The following AGBL1 variants were observed in gnomAD, a reference collection of about 807,000 sequenced individuals.
AGBL1 encodes AGBL carboxypeptidase 1.
AGBL1 carries 130 observed loss-of-function variants against 118.9 expected under a neutral mutation model. The observed-to-expected ratio is 1.09, with a 90% CI of 0.95 to 1.26. AGBL1 has a LOEUF of 1.26. Among genes scored for constraint, AGBL1 ranks in the 50% most tolerant of loss-of-function variants. The pLI is 0.00. For missense variants in AGBL1, 1,584 were observed against 1,298.1 expected (o/e 1.22, Z -3.38); for synonymous variants, 555 against 478.9 (o/e 1.16, Z -2.08).
chr15:86,241,443 A>T (rs958811847), intron 6 of AGBL1, among the ~76,000 whole-genome samples: 2 of 152,196 alleles, frequency 1.3e-5, no homozygotes, highest in African/African-American at 4.8e-5. Flanking sequence ...TTCAGTTCAG[A>T]ACGCTAAGTG....
chr15:86,813,298 A>C (rs1200908450), intron 22 of AGBL1, among the ~76,000 whole-genome samples: 6 of 152,128 alleles, frequency 3.9e-5, no homozygotes, highest in South Asian at 2.1e-4. Context: ...TGCTATTCCC[A>C]GTACACAGCA....
chr15:86,261,382 G>T (rs2078981090), intron 9 of AGBL1, among the ~76,000 whole-genome samples: 1 of 152,112 alleles, frequency 6.6e-6, no homozygotes, highest in Admixed American at 6.6e-5. Context: ...CCATGGAGTT[G>T]GTCATGGTGT....
chr15:86,893,636 G>T (rs2080083046), intron 22 of AGBL1, among the ~76,000 whole-genome samples: 1 of 152,150 alleles, frequency 6.6e-6, no homozygotes, highest in Non-Finnish European at 1.5e-5. Context: ...CTTCTTAATG[G>T]CTTTGCTTAG....
intron 22 of AGBL1, among the ~76,000 whole-genome samples, chr15:86,677,098 T>A (rs1258877481): frequency 6.6e-6 from 1 of 151,990 alleles, no homozygotes; most frequent in Non-Finnish European, 1.5e-5. Flanking sequence ...TCCTTGGGAG[T>A]GATCAGCCAG....
At chr15:86,584,344 T>A (rs200626998) in intron 21 of AGBL1, among the ~76,000 whole-genome samples, 2 of 152,156 alleles carry the variant, frequency 1.3e-5, no homozygotes, top group East Asian at 3.8e-4. Context: ...TTTTAATCCG[T>A]CTTGAGTTAA....
chr15:86,953,354 G>T (rs2080898323), intron 23 of AGBL1, among the ~76,000 whole-genome samples: 1 of 147,912 alleles, frequency 6.8e-6, no homozygotes, highest in Admixed American at 6.7e-5. Context: ...GCAGTGTTTT[G>T]TAGTTCTTGT....
chr15:86,778,986 G>A (rs987338232), intron 22 of AGBL1, among the ~76,000 whole-genome samples: 1 of 152,176 alleles, frequency 6.6e-6, no homozygotes, highest in Non-Finnish European at 1.5e-5. Context: ...CACAATTTAT[G>A]TTCTTCTGCC....
chr15:86,631,988 G>C (rs1394836120), intron 21 of AGBL1, among the ~76,000 whole-genome samples: 3 of 151,656 alleles, frequency 2.0e-5, no homozygotes, highest in Admixed American at 6.6e-5. Context: ...CCAAGAGTTT[G>C]AGAGCAGTCT....
intron 18 of AGBL1, among the ~76,000 whole-genome samples, chr15:86,484,738 T>C (rs1022899224): frequency 1.3e-5 from 2 of 152,108 alleles, no homozygotes; most frequent in Admixed American, 1.3e-4. Flanking sequence ...AAGCATCTCT[T>C]TCCTCTATTG....
intron 18 of AGBL1, among the ~76,000 whole-genome samples, chr15:86,506,730 A>G (rs1300270796): frequency 6.6e-6 from 1 of 152,082 alleles, no homozygotes; most frequent in Non-Finnish European, 1.5e-5. Context: ...TGGTTACCCA[A>G]TCTGGAGCCT....
intron 22 of AGBL1, among the ~76,000 whole-genome samples, chr15:86,854,490 G>T (rs560504943): frequency 2.0e-5 from 3 of 152,268 alleles, no homozygotes; most frequent in South Asian, 2.1e-4. Flanking sequence ...GGCTGCAGGG[G>T]AGTCAAGCCA....
At chr15:86,278,131 C>T (rs931320917) in intron 15 of AGBL1, among the ~76,000 whole-genome samples, 1 of 152,192 alleles carries the variant, frequency 6.6e-6, no homozygotes, top group South Asian at 2.1e-4. Context: ...TTTGGAGAAG[C>T]TTCAGAACTT....
intron 5 of AGBL1, among the ~76,000 whole-genome samples, chr15:86,203,111 AATGATGATGATG>A (rs570110878): frequency 1.3e-5 from 2 of 151,664 alleles, no homozygotes; most frequent in Non-Finnish European, 2.9e-5. Context: ...TGATAGTGAT[AATGATGATGATG>A]ATGATGATGA....
chr15:86,448,381 C>T (rs1213190056), intron 18 of AGBL1, among the ~76,000 whole-genome samples: 2 of 152,148 alleles, frequency 1.3e-5, no homozygotes, highest in Non-Finnish European at 2.9e-5. Context: ...GTCAGACAGG[C>T]ATCCCTACTC....
chr15:86,886,778 C>T (rs900275867), intron 22 of AGBL1, among the ~76,000 whole-genome samples: 16 of 152,084 alleles, frequency 1.1e-4, no homozygotes, highest in Admixed American at 8.5e-4. Context: ...TGGACCCAGT[C>T]GGAGAACAGC....
At chr15:86,563,421 C>A (rs1027261971) in intron 21 of AGBL1, among the ~76,000 whole-genome samples, 3 of 152,176 alleles carry the variant, frequency 2.0e-5, no homozygotes, top group African/African-American at 7.2e-5. Flanking sequence ...CATTCAGGAG[C>A]AGCTTGTTCA....
At chr15:86,784,265 CCA>C (rs1380330447) in intron 22 of AGBL1, among the ~76,000 whole-genome samples, 1 of 152,084 alleles carries the variant, frequency 6.6e-6, no homozygotes, top group African/African-American at 2.4e-5. Context: ...GTCCTGTTCC[CCA>C]CAGAGGCAAC....
chr15:86,230,244 C>G (rs947570122), intron 6 of AGBL1, among the ~76,000 whole-genome samples: 2 of 152,180 alleles, frequency 1.3e-5, no homozygotes, highest in African/African-American at 4.8e-5. Context: ...GAGTCGTCTG[C>G]TGTGACCTGG....
intron 3 of AGBL1, among the ~76,000 whole-genome samples, chr15:86,148,139 A>C (rs749778786): frequency 5.2e-4 from 79 of 152,364 alleles, no homozygotes; most frequent in Admixed American, 2.5e-3. Context: ...CCAACGTCAA[A>C]GACCAAAGGT....
Sources: allele counts gnomAD v4.1 joint callset (sites outside exome capture counted in the v4.1 genomes callset), GRCh38; gene constraint gnomAD v4.1.1; transcripts MANE v1.5; gene names NCBI Gene and HGNC (gene_info 2026-07-23, HGNC 2026-07-21).